TOM1L1: variants seen among roughly 807,000 people sequenced by gnomAD.
TOM1L1 encodes the protein TOM1-like protein 1.
A neutral mutation model predicts 63.4 loss-of-function variants in TOM1L1; 64 were observed. The observed-to-expected ratio is 1.01, with a 90% CI of 0.83 to 1.24. TOM1L1 has a LOEUF of 1.24. Ranked by LOEUF, TOM1L1 falls within the 50% of genes most tolerant of loss-of-function variation. The pLI, the probability that TOM1L1 is intolerant of heterozygous loss-of-function variation, is 0.00. For missense variants in TOM1L1, 536 were observed against 567.0 expected (o/e 0.95, Z 0.55); for synonymous variants, 166 against 194.4 (o/e 0.85, Z 1.22).
intron 11 of TOM1L1, among the ~76,000 whole-genome samples, chr17:54,944,484 T>G (rs1381954002): frequency 6.6e-6 from 1 of 151,794 alleles, no homozygotes; most frequent in Non-Finnish European, 1.5e-5. Context: ...AGAAAAATAG[T>G]CTATTATATT....
chr17:54,930,711 G>A (rs1021658775), intron 8 of TOM1L1, among the ~76,000 whole-genome samples: 4 of 152,078 alleles, frequency 2.6e-5, no homozygotes, highest in Admixed American at 1.3e-4. Context: ...GCATGGTCGC[G>A]CATGCCTGTA....
At chr17:54,928,381 A>G (rs765791828) in intron 7 of TOM1L1, among the ~76,000 whole-genome samples, 49 of 152,080 alleles carry the variant, frequency 3.2e-4, no homozygotes, top group Non-Finnish European at 5.9e-5. Context: ...AAAAAACAAA[A>G]CAACAACAAC....
At chr17:54,930,315 C>T in intron 8 of TOM1L1, 109 bp downstream of exon 8, 1 of 1,475,502 alleles carries the variant, frequency 6.8e-7, no homozygotes, top group South Asian at 1.3e-5. Context: ...TCTAGATTCT[C>T]CATTCTCAAT....
intron 1 of TOM1L1, 111 bp downstream of exon 1, chr17:54,901,034 T>G (rs2048317619): frequency 2.8e-6 from 4 of 1,439,656 alleles, no homozygotes. Context: ...TTGAAAAAAT[T>G]ATTCCCCTCC....
At chr17:54,938,644 A>G (rs1388363658) in intron 10 of TOM1L1, 6 of 283,708 alleles carry the variant, frequency 2.1e-5, no homozygotes, top group Admixed American at 1.1e-4. Flanking sequence ...AGAAAATCCA[A>G]TACAATAATA....
At chr17:54,936,104 C>T (rs2048941575) in intron 8 of TOM1L1, among the ~76,000 whole-genome samples, 1 of 143,228 alleles carries the variant, frequency 7.0e-6, no homozygotes, top group African/African-American at 2.6e-5. Context: ...GCCTGGGCAA[C>T]AAGAGCGAAA....
chr17:54,960,300 G>A (rs892708542), intron 14 of TOM1L1, among the ~76,000 whole-genome samples: 1 of 152,164 alleles, frequency 6.6e-6, no homozygotes, highest in African/African-American at 2.4e-5. Context: ...GGGAGGCAGA[G>A]GTTGCAGTGA....
At chr17:54,932,323 G>T (rs2048877401) in intron 8 of TOM1L1, among the ~76,000 whole-genome samples, 3 of 152,154 alleles carry the variant, frequency 2.0e-5, no homozygotes, top group Admixed American at 1.3e-4. Context: ...AACAAAACAG[G>T]ATAGGGATTT....
chr17:54,915,867 T>C lies in TOM1L1; in HGVS notation c.720+5T>C. ...GAAGACATAGAGCTTCTGCAGGTGTTGTACGATTTCAGGGACTATCAGTCA... is the reference window on the plus strand; with the variant it reads ...GAAGACATAGAGCTTCTGCAGGTGTCGTACGATTTCAGGGACTATCAGTCA... On this transcript the variant is annotated splice_donor_5th_base_variant and intron_variant, in intron 7 of 15. Transcript: ENST00000575882. 6.2e-7 allele frequency: 1 copy of C among 1,607,222 alleles called. No individual in the cohort carries two copies. The highest frequency in any genetic ancestry group is 8.5e-7 in the Non-Finnish European group (1 of 1,173,954).
intron 7 of TOM1L1, among the ~76,000 whole-genome samples, chr17:54,918,039 G>A (rs577990214): frequency 5.9e-5 from 9 of 152,110 alleles, no homozygotes; most frequent in Admixed American, 1.3e-4. Context: ...TTTCACTGCC[G>A]TACCTCAACC....
intron 14 of TOM1L1, chr17:54,956,710 GC>G (rs2049523883): frequency 6.6e-6 from 1 of 152,080 alleles, no homozygotes; most frequent in African/African-American, 2.4e-5. Flanking sequence ...CTTCCAAAGT[GC>G]TGGGATTATA....
intron 7 of TOM1L1, among the ~76,000 whole-genome samples, chr17:54,927,207 T>G (rs1272307522): frequency 6.6e-6 from 1 of 152,204 alleles, no homozygotes; most frequent in East Asian, 1.9e-4. Context: ...TGGGGTTTCT[T>G]GCGCTTTGGG....
At chr17:54,923,442 G>A (rs1352435706) in intron 7 of TOM1L1, among the ~76,000 whole-genome samples, 2 of 150,710 alleles carry the variant, frequency 1.3e-5, no homozygotes, top group Non-Finnish European at 3.0e-5. Context: ...GGTGTGAAGT[G>A]GTATCTCATT....
chr17:54,960,752 T>G, intron 15 of TOM1L1, 125 bp downstream of exon 15: 2 of 686,066 alleles, frequency 2.9e-6, no homozygotes, highest in Non-Finnish European at 5.1e-6. Flanking sequence ...GAAATATGAG[T>G]TCCCCTGAAT....
chr17:54,914,559 A>G, intron 5 of TOM1L1, 80 bp from the exon 6 acceptor site: 1 of 1,100,376 alleles, frequency 9.1e-7, no homozygotes, highest in Non-Finnish European at 1.4e-6. Flanking sequence ...AGAGTGCTTG[A>G]GTTAGCTGAA....
chr17:54,958,816 T>C (rs1324525354), intron 14 of TOM1L1, among the ~76,000 whole-genome samples: 2 of 151,546 alleles, frequency 1.3e-5, no homozygotes, highest in Non-Finnish European at 2.9e-5. Context: ...AAGGCTGTAC[T>C]TTGTATAAAA....
intron 14 of TOM1L1, chr17:54,956,894 G>A (rs768984734): frequency 6.6e-6 from 1 of 152,262 alleles, no homozygotes; most frequent in Non-Finnish European, 1.5e-5. Context: ...TTGCAGTTGT[G>A]CAGATGCAGT....
intron 7 of TOM1L1, among the ~76,000 whole-genome samples, chr17:54,928,387 A>G (rs950902639): frequency 1.1e-4 from 16 of 152,098 alleles, no homozygotes; most frequent in Admixed American, 1.0e-3. Flanking sequence ...CAAAACAACA[A>G]CAACAAAAAA....
intron 7 of TOM1L1, among the ~76,000 whole-genome samples, chr17:54,922,066 G>A (rs2048692889): frequency 6.6e-6 from 1 of 152,126 alleles, no homozygotes; most frequent in South Asian, 2.1e-4. Flanking sequence ...GCCGAGGCAG[G>A]CGGATCATGA....
Sources: allele counts gnomAD v4.1 joint callset (sites outside exome capture counted in the v4.1 genomes callset), GRCh38; gene constraint gnomAD v4.1.1; transcripts MANE v1.5; gene names NCBI Gene and HGNC (gene_info 2026-07-23, HGNC 2026-07-21).